IFT56: variants seen among roughly 807,000 people sequenced by gnomAD.
IFT56 encodes the protein intraflagellar transport 56.
chr7:139,173,022 C>A, the IFT56 span: 1 of 729,880 alleles, frequency 1.4e-6, no homozygotes, highest in Non-Finnish European at 2.6e-6. Flanking sequence ...TGGTGTGGCT[C>A]AGGGACCACC....
chr7:139,150,774 A>T, the IFT56 span, among the ~76,000 whole-genome samples: 1 of 152,234 alleles, frequency 6.6e-6, no homozygotes. Context: ...AACAGGAAAT[A>T]ATTTGTAATG....
chr7:139,160,014 A>G, the IFT56 span, among the ~76,000 whole-genome samples: 53 of 152,204 alleles, frequency 3.5e-4, no homozygotes, highest in African/African-American at 1.3e-3. Flanking sequence ...TCATTTATAG[A>G]GTATAAAAGG....
chr7:139,178,701 T>TG, the IFT56 span: 1 of 1,042,688 alleles, frequency 9.6e-7, no homozygotes, highest in Admixed American at 2.0e-5. Flanking sequence ...TTATTAAAGA[T>TG]TCCTCTGTTC....
the IFT56 span, chr7:139,165,187 T>C: frequency 6.2e-7 from 1 of 1,613,832 alleles, no homozygotes; most frequent in Non-Finnish European, 8.5e-7. Flanking sequence ...CTAGTTGATG[T>C]CATTCCTGAA....
At chr7:139,184,836 C>CTT in the IFT56 span, among the ~76,000 whole-genome samples, 51 of 151,644 alleles carry the variant, frequency 3.4e-4, 1 homozygote, top group African/African-American at 1.2e-3. Flanking sequence ...GGGCGGATCA[C>CTT]AAGGTCAGGA....
At chr7:139,147,923 G>A in the IFT56 span, among the ~76,000 whole-genome samples, 17 of 152,128 alleles carry the variant, frequency 1.1e-4, no homozygotes, top group Non-Finnish European at 2.4e-4. Context: ...TCTTCTGTGT[G>A]GAGTGTGCTT....
chr7:139,142,584 C>T, the IFT56 span, among the ~76,000 whole-genome samples: 15 of 152,208 alleles, frequency 9.9e-5, no homozygotes, highest in African/African-American at 3.6e-4. Context: ...AATCCCAGCA[C>T]TTTGGGAGGC....
At chr7:139,146,554 T>C in the IFT56 span, among the ~76,000 whole-genome samples, 1 of 152,004 alleles carries the variant, frequency 6.6e-6, no homozygotes, top group African/African-American at 2.4e-5. Context: ...GATCACGACG[T>C]CAGGAGTTCA....
the IFT56 span, chr7:139,148,394 GT>G: frequency 6.3e-7 from 1 of 1,595,504 alleles, no homozygotes; most frequent in Non-Finnish European, 8.6e-7. Flanking sequence ...ATGGAAGTGT[GT>G]TTTTAATGTA....
chr7:139,155,687 A>AT, the IFT56 span, among the ~76,000 whole-genome samples: 1 of 152,058 alleles, frequency 6.6e-6, no homozygotes, highest in Non-Finnish European at 1.5e-5. Flanking sequence ...TTTGCTAAGA[A>AT]TTTTTTGGAG....
At chr7:139,186,229 AC>A in the IFT56 span, among the ~76,000 whole-genome samples, 7 of 152,048 alleles carry the variant, frequency 4.6e-5, no homozygotes, top group Admixed American at 6.6e-5. Flanking sequence ...GGAGTTTGAG[AC>A]CCACCTGGGC....
At chr7:139,181,206 TGACTGA>T in the IFT56 span, 1 of 1,584,108 alleles carries the variant, frequency 6.3e-7, no homozygotes, top group African/African-American at 1.3e-5. Context: ...AAGGTGAGTC[TGACTGA>T]GACTAAAGGG....
chr7:139,137,927 G>A, the IFT56 span: 29 of 1,611,750 alleles, frequency 1.8e-5, no homozygotes, highest in Admixed American at 4.8e-4. Flanking sequence ...GTGACTACAA[G>A]AGAGCTCTGG....
the IFT56 span, among the ~76,000 whole-genome samples, chr7:139,160,093 C>G: frequency 6.6e-6 from 1 of 151,998 alleles, no homozygotes. Context: ...TGGAATTGTA[C>G]TGTGGACAAG....
chr7:139,175,485 C>T, the IFT56 span, among the ~76,000 whole-genome samples: 5 of 152,050 alleles, frequency 3.3e-5, no homozygotes, highest in Non-Finnish European at 4.4e-5. Flanking sequence ...CATCCATCAA[C>T]GGGTGAAGGA....
chr7:139,136,777 G>C, the IFT56 span, among the ~76,000 whole-genome samples: 1 of 152,132 alleles, frequency 6.6e-6, no homozygotes, highest in Non-Finnish European at 1.5e-5. Flanking sequence ...TGGCAGGGAG[G>C]CTCTGCTCTT....
the IFT56 span, chr7:139,178,323 A>G: frequency 1.0e-5 from 16 of 1,583,180 alleles, no homozygotes; most frequent in African/African-American, 2.2e-4. Context: ...AATTATCTAT[A>G]AGACTTTATA....
chr7:139,137,811 A>G, the IFT56 span: 1 of 1,576,370 alleles, frequency 6.3e-7, no homozygotes, highest in African/African-American at 1.4e-5. Context: ...ACTATTCAAA[A>G]TTTTCATGTT....
the IFT56 span, among the ~76,000 whole-genome samples, chr7:139,140,996 C>T: frequency 6.9e-6 from 1 of 145,086 alleles, no homozygotes; most frequent in Non-Finnish European, 1.5e-5. Flanking sequence ...TGCAGTGGCT[C>T]ATGCCTGTAA....
Sources: gnomAD v4.1 joint callset for allele counts (sites outside exome capture counted in the v4.1 genomes callset) on GRCh38, gnomAD v4.1.1 for gene constraint, MANE v1.5 for transcripts, NCBI Gene and HGNC (gene_info 2026-07-23, HGNC 2026-07-21) for gene names.